The following NTF4 variants were observed in gnomAD, a reference collection of about 807,000 sequenced individuals.
The protein encoded by NTF4 is neurotrophin-4.
In NTF4, 2 loss-of-function variants were observed where a neutral mutation model predicts 4.4. The ratio of observed to expected loss-of-function variants is 0.46; its 90% CI spans 0.19 to 1.44. The LOEUF is 1.44. NTF4 is among the 40% of genes most tolerant of loss of function. The pLI, the probability that NTF4 is intolerant of heterozygous loss-of-function variation, is 0.26. For missense variants in NTF4, 260 were observed against 293.0 expected (o/e 0.89, Z 0.82); for synonymous variants, 127 against 122.0 (o/e 1.04, Z -0.27).
At chr19:49,062,274 G>T (rs2040162353), upstream of NTF4, among the ~76,000 whole-genome samples, 1 of 151,998 alleles carries the variant, frequency 6.6e-6, no homozygotes, top group African/African-American at 2.4e-5. Flanking sequence ...GATGACTTGA[G>T]GTCAGGAGTT....
downstream of NTF4, among the ~76,000 whole-genome samples, chr19:49,059,953 C>T (rs2040112680): frequency 7.1e-6 from 1 of 140,796 alleles, no homozygotes; most frequent in African/African-American, 2.6e-5. Context: ...AGAAGAATCA[C>T]TTCAACCCGG....
At chr19:49,058,386 G>C (rs1293625148), downstream of NTF4, 1 of 1,011,150 alleles carries the variant, frequency 9.9e-7, no homozygotes, top group Non-Finnish European at 1.4e-6. Flanking sequence ...AAAGACTCAG[G>C]AGTCCCTATC....
downstream of NTF4, among the ~76,000 whole-genome samples, chr19:49,059,132 C>G (rs1235913575): frequency 1.3e-5 from 2 of 152,140 alleles, no homozygotes. Context: ...GAAACACCCC[C>G]CTTTGCTCCA....
chr19:49,060,067 A>AAAAAAAAAAAC (rs2040114835), downstream of NTF4, among the ~76,000 whole-genome samples: 2 of 146,810 alleles, frequency 1.4e-5, no homozygotes, highest in Non-Finnish European at 3.0e-5. Context: ...AAAAAAAAAA[A>AAAAAAAAAAAC]AAGCTTTTGG....
Position 49,061,826 on chromosome 19 carries a change from G to A in NTF4, c.172C>T (p.Leu58=). The A allele has an allele frequency of 6.4e-7, 1 of 1,551,594 alleles. No homozygotes were observed. Among genetic ancestry groups the A allele is most frequent in the Middle Eastern group, 1.7e-4 (1 of 5,932 alleles). Residue 58 remains leucine (L), a synonymous_variant, in exon 1 of 1, where the codon CTG becomes TTG. Transcript: ENST00000593537. The surrounding 1 kb of genome is among the most constrained non-coding windows in gnomAD (Gnocchi z 4.9). ...GCCCCAGCCTCCAGCAGGAAGAGCAGAGGGGGCCCAGCAGGGGCACCCCTA... is the reference window on the plus strand; with the variant it reads ...GCCCCAGCCTCCAGCAGGAAGAGCAAAGGGGGCCCAGCAGGGGCACCCCTA...
chr19:49,063,556 A>C (rs940369073), upstream of NTF4, among the ~76,000 whole-genome samples: 3 of 152,166 alleles, frequency 2.0e-5, no homozygotes, highest in Admixed American at 6.5e-5. Flanking sequence ...AACTGCCACT[A>C]AGGAGGTAAA....
upstream of NTF4, chr19:49,064,976 G>A (rs1394700499): frequency 6.6e-6 from 1 of 152,260 alleles, no homozygotes; most frequent in African/African-American, 2.4e-5. Context: ...CGGCTCCCGC[G>A]GCTGCCCTCC....
downstream of NTF4, chr19:49,058,494 C>T: frequency 1.8e-6 from 1 of 559,974 alleles, no homozygotes; most frequent in Non-Finnish European, 3.1e-6. Flanking sequence ...TCTCTCAGAC[C>T]CAGGACTCCA....
Position 49,061,210 on chromosome 19 carries a change from T to C in NTF4, c.*155A>G, listed in dbSNP as rs983890832. On this transcript the variant is annotated 3_prime_UTR_variant, in exon 1 of 1. Transcript: ENST00000593537. The surrounding 1 kb of genome is among the most constrained non-coding windows in gnomAD (Gnocchi z 4.9). ...CTCCTATTCAACCTCCAAAACCCCA[T>C]GTGGTTTCACCCATCCTGCAGAGAT... The C allele has an allele frequency of 8.2e-6, 12 of 1,455,272 alleles. No homozygotes were observed. In the African/African-American group the frequency reaches 8.4e-5, roughly 10 times the overall value. The allele number at this position is 1,455,272 out of a possible 1,614,324, so 90.1% of individuals were successfully genotyped here. A position where few individuals can be genotyped will look rare whatever the true frequency, so the allele number is the denominator to read the frequency against.
In NTF4 at chr19:49,061,667, C is replaced by G. The variant is rs371058489; in HGVS notation, c.331G>C (p.Val111Leu). ...TCCACCTCGCGCCCACGCAAGTCCACAGCGGTCCGGCGGTCTGTCACCCAG... is the reference window on the plus strand; with the variant it reads ...TCCACCTCGCGCCCACGCAAGTCCAGAGCGGTCCGGCGGTCTGTCACCCAG... The change falls in exon 1 of 1, where the codon GTG (valine) becomes CTG (leucine). Residue 111 changes from valine (V) to leucine (L), a missense_variant. Physicochemically the swap from Val to Leu is conservative, Grantham distance 32 (BLOSUM62 1). Coordinates refer to ENST00000593537, the Ensembl canonical transcript of NTF4. This position sits in a 1 kb window ranked among gnomAD's most constrained non-coding sequence, Gnocchi z 4.9. The G allele has an allele frequency of 1.2e-6, 2 of 1,613,478 alleles. No individual in the cohort carries two copies. Among genetic ancestry groups the G allele is most frequent in the Non-Finnish European group, 1.7e-6 (2 of 1,179,898 alleles).
upstream of NTF4, among the ~76,000 whole-genome samples, chr19:49,062,641 G>A (rs1011937602): frequency 4.6e-5 from 7 of 151,706 alleles, no homozygotes; most frequent in Non-Finnish European, 5.9e-5. Flanking sequence ...AGAATTACCC[G>A]GGTGTGGTGG....
At chr19:49,058,405 C>T, downstream of NTF4, 1 of 813,964 alleles carries the variant, frequency 1.2e-6, no homozygotes, top group Non-Finnish European at 1.9e-6. Context: ...TCACCCCCCA[C>T]CCCAAACTCT....
At position 49,061,671 on chromosome 19, in the gene NTF4, G is replaced by T. The variant is rs374113081; in HGVS notation, c.327C>A (p.Thr109=). ...CCTCGCGCCCACGCAAGTCCACAGC[G>T]GTCCGGCGGTCTGTCACCCAGCCAC... The change falls in exon 1 of 1, where the codon ACC becomes ACA. Residue 109 remains threonine (T), a synonymous_variant. Coordinates refer to ENST00000593537, the Ensembl canonical transcript of NTF4. This position sits in a 1 kb window ranked among gnomAD's most constrained non-coding sequence, Gnocchi z 4.9. 6 of 1,613,326 alleles carry T rather than the reference G, an allele frequency of 3.7e-6. No homozygotes were observed. The Admixed American group carries it at 8.3e-5, about 22-fold the overall frequency.
chr19:49,061,767 G>T lies in NTF4; in HGVS notation c.231C>A (p.Arg77=). Reference sequence around the variant, plus strand: ...CAGTTTCGCTCACCCCACGCCGGCTGCGGTTGGCCGGGGCACCTGCTGACT... The same window carrying T: ...CAGTTTCGCTCACCCCACGCCGGCTTCGGTTGGCCGGGGCACCTGCTGACT... Residue 77 remains arginine (R), a synonymous_variant, in exon 1 of 1, where the codon CGC becomes CGA. Coordinates refer to ENST00000593537, the Ensembl canonical transcript of NTF4. This position sits in a 1 kb window ranked among gnomAD's most constrained non-coding sequence, Gnocchi z 4.9. 6.3e-7 allele frequency: 1 copy of T among 1,580,616 alleles called. No homozygotes were observed. Among genetic ancestry groups the T allele is most frequent in the Non-Finnish European group, 8.6e-7 (1 of 1,164,500 alleles).
chr19:49,062,894 TCA>T (rs1399819598), upstream of NTF4, among the ~76,000 whole-genome samples: 1 of 152,212 alleles, frequency 6.6e-6, no homozygotes, highest in Non-Finnish European at 1.5e-5. Flanking sequence ...TTGTGCCCGG[TCA>T]CACAGCCAGC....
downstream of NTF4, among the ~76,000 whole-genome samples, chr19:49,059,411 A>G (rs2040105315): frequency 6.6e-6 from 1 of 152,032 alleles, no homozygotes; most frequent in Non-Finnish European, 1.5e-5. Flanking sequence ...ATACAACAAG[A>G]AAGGGGAGAG....
chr19:49,062,092 G>C, upstream of NTF4: 1 of 1,396,490 alleles, frequency 7.2e-7, no homozygotes, highest in South Asian at 1.6e-5. Flanking sequence ...CCCAGGGGAG[G>C]CTTGCCTGCC....
chr19:49,062,264 G>C (rs1175102061), upstream of NTF4, among the ~76,000 whole-genome samples: 1 of 152,048 alleles, frequency 6.6e-6, no homozygotes, highest in African/African-American at 2.4e-5. Flanking sequence ...GAGGCAGGTG[G>C]ATGACTTGAG....
rs1035055452 is a variant in NTF4, at chr19:49,061,385, T to C, written c.613A>G (p.Ser205Gly). ...GGGTCTCAGGCCCGGCCAGTCCGGC[T>C]GAGGAGTGTGCAGACGCAGGCAGTG... The change falls in exon 1 of 1, where the codon AGC becomes GGC. Residue 205 changes from serine to glycine, a missense_variant. Coordinates refer to ENST00000593537, the Ensembl canonical transcript of NTF4. This position sits in a 1 kb window ranked among gnomAD's most constrained non-coding sequence, Gnocchi z 4.9. The C allele has an allele frequency of 3.1e-6, 5 of 1,612,694 alleles. No homozygotes were observed. In the Admixed American group the frequency reaches 8.3e-5, roughly 27 times the overall value.
Sources: allele counts gnomAD v4.1 joint callset (sites outside exome capture counted in the v4.1 genomes callset), GRCh38; gene constraint gnomAD v4.1.1; non-coding constraint Gnocchi (gnomAD v3.1); transcripts MANE v1.5; gene names NCBI Gene and HGNC (gene_info 2026-07-23, HGNC 2026-07-21).